HIVEP3: variants seen among roughly 807,000 people sequenced by gnomAD.
HIVEP3 encodes HIVEP zinc finger 3.
HIVEP3 carries 49 observed loss-of-function variants against 152.8 expected under a neutral mutation model. The observed-to-expected ratio is 0.32, with a 90% confidence interval of 0.26 to 0.41. The LOEUF (loss-of-function observed/expected upper bound fraction) is 0.41, where lower values mean the gene tolerates loss of function less well. Among genes scored for constraint, HIVEP3 ranks in the 10% least tolerant of loss-of-function variants. HIVEP3 has a pLI of 1.00. For missense variants in HIVEP3, 2,790 were observed against 3,103.3 expected, an observed-to-expected ratio of 0.90 and a Z score of 2.40; for synonymous variants, 1,269 against 1,289.0, an observed-to-expected ratio of 0.98 and a Z score of 0.33.
At chr1:41,633,907 A>C (rs1399715510) in intron 2 of HIVEP3, among the ~76,000 whole-genome samples, 1 of 152,222 alleles carries the variant, frequency 6.6e-6, no homozygotes, top group East Asian at 1.9e-4. Context: ...ACAAGTTTGT[A>C]GATGATATCT....
At chr1:41,766,705 C>G (rs941820052) in intron 1 of HIVEP3, among the ~76,000 whole-genome samples, 1 of 152,232 alleles carries the variant, frequency 6.6e-6, no homozygotes, top group Non-Finnish European at 1.5e-5. Flanking sequence ...GCTGTGTTGG[C>G]TCAGTCCAGT....
At chr1:41,538,418 C>G (rs1057490135) in intron 5 of HIVEP3, among the ~76,000 whole-genome samples, 2 of 152,178 alleles carry the variant, frequency 1.3e-5, no homozygotes, top group Non-Finnish European at 2.9e-5. Context: ...CAGAAGGATT[C>G]TTGCTGATGA....
At chr1:41,720,261 G>C (rs1646656005) in intron 1 of HIVEP3, among the ~76,000 whole-genome samples, 1 of 152,202 alleles carries the variant, frequency 6.6e-6, no homozygotes, top group South Asian at 2.1e-4. Flanking sequence ...GCTGCTCCCA[G>C]GCCCCAGACT....
chr1:41,636,295 C>T (rs1353728374), intron 2 of HIVEP3, among the ~76,000 whole-genome samples: 1 of 152,066 alleles, frequency 6.6e-6, no homozygotes, highest in African/African-American at 2.4e-5. Flanking sequence ...AATACACGCA[C>T]CATAGACACA....
intron 1 of HIVEP3, among the ~76,000 whole-genome samples, chr1:41,803,437 T>C (rs142659361): frequency 1.3e-5 from 2 of 152,262 alleles, no homozygotes; most frequent in East Asian, 3.9e-4. Flanking sequence ...TGACCCCAAC[T>C]GCAAGGGCCA....
chr1:41,737,812 G>A (rs1004817598), intron 1 of HIVEP3, among the ~76,000 whole-genome samples: 4 of 152,186 alleles, frequency 2.6e-5, no homozygotes, highest in African/African-American at 9.7e-5. Flanking sequence ...TGGGCAGGGA[G>A]ATATATTTGG....
Position 41,817,175 on chromosome 1 carries a change from C to G in HIVEP3, c.-801+101238G>C, listed in dbSNP as rs116232463. Among the ~76,000 whole-genome samples, 318 of 152,344 alleles carry G rather than the reference C, an allele frequency of 2.1e-3. 1 individual carries two copies. Among genetic ancestry groups the G allele is most frequent in the African/African-American group, 7.1e-3 (296 of 41,582 alleles). On this transcript the variant is annotated intron_variant, in intron 1 of 8. Transcript: ENST00000372583. ...CCCGCTGCTGGCTGAGTAAGGTTTT[C>G]TTGCTACTGCTGATAAATGGCAAAG...
chr1:41,554,615 T>C (rs1643937113), intron 5 of HIVEP3, among the ~76,000 whole-genome samples: 1 of 152,240 alleles, frequency 6.6e-6, no homozygotes, highest in Non-Finnish European at 1.5e-5. Flanking sequence ...CTTTTCCCCA[T>C]CTTTGTTGTT....
chr1:41,592,047 G>A (rs1644595540), intron 3 of HIVEP3, among the ~76,000 whole-genome samples: 1 of 152,210 alleles, frequency 6.6e-6, no homozygotes, highest in South Asian at 2.1e-4. Context: ...CTGGGCTGCA[G>A]GTGGGACAGT....
At chr1:41,518,854 C>G (rs1490134701) in intron 6 of HIVEP3, among the ~76,000 whole-genome samples, 1 of 141,162 alleles carries the variant, frequency 7.1e-6, no homozygotes, top group Non-Finnish European at 1.5e-5. Context: ...TTAAGTCTGG[C>G]CCTAGTAGCT....
At chr1:42,030,562 C>T (rs1645607258) in intron 1 of HIVEP3, among the ~76,000 whole-genome samples, 1 of 136,776 alleles carries the variant, frequency 7.3e-6, no homozygotes, top group Non-Finnish European at 1.6e-5. Flanking sequence ...TGTACTTTCC[C>T]ACCAAGAAGA....
In HIVEP3 at chr1:41,662,835, C is replaced by G. The variant is rs1415914080; in HGVS notation, c.-720-33888G>C. ...GCGCCACGCCTTGGTCGCACCCGGG[C>G]CCAGCGGGAGTCCATCGCCGTCCCC... is the stretch of plus-strand genomic sequence containing the variant. On this transcript the variant is annotated intron_variant, in intron 2 of 8. Transcript: ENST00000372583. This position sits in a 1 kb window ranked among gnomAD's most constrained non-coding sequence, Gnocchi z 7.2. 6.6e-6 allele frequency among the ~76,000 whole-genome samples: 1 copy of G among 152,140 alleles called. No individual in the cohort carries two copies. Among genetic ancestry groups the G allele is most frequent in the Non-Finnish European group, 1.5e-5 (1 of 67,972 alleles).
chr1:41,527,128 A>ATG, intron 5 of HIVEP3, among the ~76,000 whole-genome samples: 1 of 120,226 alleles, frequency 8.3e-6, no homozygotes, highest in Admixed American at 8.6e-5. Context: ...TCTTCCTCAC[A>ATG]CACACCCTCA....
At chr1:41,890,341 AG>A in intron 1 of HIVEP3, among the ~76,000 whole-genome samples, 1 of 152,192 alleles carries the variant, frequency 6.6e-6, no homozygotes, top group Non-Finnish European at 1.5e-5. Flanking sequence ...AACAAGAGCT[AG>A]GGTAGAAAAG....
intron 1 of HIVEP3, among the ~76,000 whole-genome samples, chr1:41,839,244 C>G (rs1232003509): frequency 1.3e-5 from 2 of 152,148 alleles, no homozygotes; most frequent in Non-Finnish European, 2.9e-5. Context: ...CCTCCCCATC[C>G]AAAGCAGCAC....
chr1:41,803,064 G>A (rs1650399157), intron 1 of HIVEP3, among the ~76,000 whole-genome samples: 1 of 152,194 alleles, frequency 6.6e-6, no homozygotes, highest in South Asian at 2.1e-4. Context: ...CAGAAGGATG[G>A]GCCTAGGCTG....
At chr1:42,005,798 T>G (rs1645455981) in intron 1 of HIVEP3, among the ~76,000 whole-genome samples, 1 of 152,226 alleles carries the variant, frequency 6.6e-6, no homozygotes, top group African/African-American at 2.4e-5. Context: ...CCTTCAACCA[T>G]GTTTAAAAAT....
intron 1 of HIVEP3, among the ~76,000 whole-genome samples, chr1:41,714,837 G>T (rs1335476982): frequency 6.6e-6 from 1 of 152,226 alleles, no homozygotes; most frequent in Non-Finnish European, 1.5e-5. Context: ...AAGATGATAT[G>T]CCAGGTTGTC....
rs190238400 is a variant in HIVEP3 at position 41,719,035 on chromosome 1, A to G, written c.-800-18040T>C. Among the ~76,000 whole-genome samples the G allele has an allele frequency of 2.2e-4, 33 of 152,358 alleles. No homozygotes were observed. The East Asian group carries it at 6.4e-3, about 29-fold the overall frequency. ...CCATGGCCAAGTGGGAGTAACAAGA[A>G]GCACATTCTTAATACTGTGAGAGAT... On this transcript the variant is annotated intron_variant, in intron 1 of 8. Coordinates refer to ENST00000372583, the MANE Select transcript of HIVEP3 (RefSeq NM_024503.5).
Sources: allele counts gnomAD v4.1 joint callset (sites outside exome capture counted in the v4.1 genomes callset), GRCh38; gene constraint gnomAD v4.1.1; non-coding constraint Gnocchi (gnomAD v3.1); transcripts MANE v1.5; gene names NCBI Gene and HGNC (gene_info 2026-07-23, HGNC 2026-07-21).